The following SEMA3E variants were observed in gnomAD, a reference collection of about 807,000 sequenced individuals.
The protein encoded by SEMA3E is semaphorin 3E, also known as semaphorin-3E.
SEMA3E carries 49 observed loss-of-function variants against 93.6 expected under a neutral mutation model. The observed-to-expected ratio is 0.52, with a 90% CI of 0.42 to 0.66. SEMA3E has a LOEUF of 0.66. Ranked by LOEUF, SEMA3E falls within the 30% of genes least tolerant of loss-of-function variation. The pLI is 0.00. For synonymous variants in SEMA3E, 363 were observed against 330.7 expected, an observed-to-expected ratio of 1.10 and a Z score of -1.06; for missense variants, 906 against 964.8, an observed-to-expected ratio of 0.94 and a Z score of 0.81.
In SEMA3E at chr7:83,460,670, C is replaced by T. The variant is rs550717468; in HGVS notation, c.456+5812G>A. ...CAAGCACCCCAACCTCATATCTCTG[C>T]GCCCCAATCCCTTATTTCTGCACCC... On this transcript the variant is annotated intron_variant, in intron 4 of 16. Transcript: ENST00000643230. Among the ~76,000 whole-genome samples the T allele has an allele frequency of 5.5e-4, 40 of 72,124 alleles. 1 individual carries two copies. The East Asian group carries it at 6.3e-3, about 11-fold the overall frequency. 47.3% of individuals were successfully genotyped at this position (72,124 alleles called of 152,430 possible).
intron 4 of SEMA3E, among the ~76,000 whole-genome samples, chr7:83,423,646 G>C (rs1251111816): frequency 6.7e-6 from 1 of 150,076 alleles, no homozygotes; most frequent in African/African-American, 2.4e-5. Flanking sequence ...TGGGACTACA[G>C]ACGCCCACCA....
chr7:83,524,540 A>G (rs968200240), intron 1 of SEMA3E, among the ~76,000 whole-genome samples: 1 of 152,148 alleles, frequency 6.6e-6, no homozygotes, highest in South Asian at 2.1e-4. Flanking sequence ...TTATGAATTT[A>G]ACACGTCATT....
At chr7:83,412,292 T>C (rs1403406592) in intron 5 of SEMA3E, among the ~76,000 whole-genome samples, 1 of 152,158 alleles carries the variant, frequency 6.6e-6, no homozygotes, top group African/African-American at 2.4e-5. Flanking sequence ...ATATTTTTAT[T>C]GACTCCTTGT....
chr7:83,584,408 A>G (rs1033088606), intron 1 of SEMA3E, among the ~76,000 whole-genome samples: 1 of 152,160 alleles, frequency 6.6e-6, no homozygotes, highest in Admixed American at 6.6e-5. Context: ...TTTATTTCCA[A>G]ATTAATGATT....
At chr7:83,386,586 G>A (rs1787886827) in intron 15 of SEMA3E, among the ~76,000 whole-genome samples, 1 of 152,092 alleles carries the variant, frequency 6.6e-6, no homozygotes, top group Non-Finnish European at 1.5e-5. Flanking sequence ...AAGCTTAGGA[G>A]ATGACTTGAT....
At chr7:83,620,505 G>A (rs1793528715) in intron 1 of SEMA3E, among the ~76,000 whole-genome samples, 1 of 151,946 alleles carries the variant, frequency 6.6e-6, no homozygotes, top group South Asian at 2.1e-4. Context: ...TATGAAGCCA[G>A]CATCATCCTG....
At chr7:83,412,603 AAAT>A (rs1382186792) in intron 5 of SEMA3E, among the ~76,000 whole-genome samples, 1 of 151,688 alleles carries the variant, frequency 6.6e-6, no homozygotes, top group Non-Finnish European at 1.5e-5. Context: ...TAATAATGAT[AAAT>A]AATAAAGTAG....
At chr7:83,469,179 G>A (rs1055294418) in intron 3 of SEMA3E, 64 bp downstream of exon 3, 4 of 1,331,906 alleles carry the variant, frequency 3.0e-6, no homozygotes, top group Non-Finnish European at 4.3e-6. Flanking sequence ...CAGTGATTCA[G>A]TTCTTTGTGG....
chr7:83,510,949 T>C (rs143392078), intron 1 of SEMA3E, among the ~76,000 whole-genome samples: 117 of 152,330 alleles, frequency 7.7e-4, no homozygotes, highest in African/African-American at 2.7e-3. Context: ...TAATGGCTAA[T>C]CTTGAATATC....
chr7:83,532,339 T>G (rs1404832985), intron 1 of SEMA3E, among the ~76,000 whole-genome samples: 3 of 152,200 alleles, frequency 2.0e-5, no homozygotes, highest in Non-Finnish European at 4.4e-5. Flanking sequence ...ATTCTCAAAG[T>G]GATTTAATAT....
At chr7:83,439,021 C>CT (rs1413871400) in intron 4 of SEMA3E, among the ~76,000 whole-genome samples, 7 of 152,186 alleles carry the variant, frequency 4.6e-5, no homozygotes, top group East Asian at 3.9e-4. Context: ...AATCAAAATT[C>CT]TTTTTTTAGA....
At chr7:83,423,043 T>C (rs1230892591) in intron 4 of SEMA3E, among the ~76,000 whole-genome samples, 1 of 152,158 alleles carries the variant, frequency 6.6e-6, no homozygotes, top group African/African-American at 2.4e-5. Context: ...GTATCTTACA[T>C]ACCAGTGTGT....
At chr7:83,533,162 G>A (rs1163622848) in intron 1 of SEMA3E, among the ~76,000 whole-genome samples, 1 of 151,992 alleles carries the variant, frequency 6.6e-6, no homozygotes, top group African/African-American at 2.4e-5. Flanking sequence ...AGGGTATCAT[G>A]TGCAGTCCCA....
At chr7:83,632,324 A>G (rs1401764562) in intron 1 of SEMA3E, among the ~76,000 whole-genome samples, 2 of 152,204 alleles carry the variant, frequency 1.3e-5, no homozygotes, top group East Asian at 1.9e-4. Flanking sequence ...ATATTCACCT[A>G]TGACAAAAGA....
intron 1 of SEMA3E, among the ~76,000 whole-genome samples, chr7:83,587,891 T>C (rs992216238): frequency 3.3e-5 from 5 of 152,116 alleles, no homozygotes; most frequent in African/African-American, 1.2e-4. Flanking sequence ...ATTTAAATGC[T>C]ATTCTTAAGC....
chr7:83,588,117 C>T (rs760736140), intron 1 of SEMA3E, among the ~76,000 whole-genome samples: 5 of 152,120 alleles, frequency 3.3e-5, no homozygotes, highest in Non-Finnish European at 5.9e-5. Flanking sequence ...GGCGCGGTGG[C>T]TCATGCCTGT....
At chr7:83,554,235 C>G (rs924185625) in intron 1 of SEMA3E, among the ~76,000 whole-genome samples, 1 of 152,124 alleles carries the variant, frequency 6.6e-6, no homozygotes, top group Non-Finnish European at 1.5e-5. Flanking sequence ...GTAACAATTA[C>G]TGATTTTCTA....
At chr7:83,435,348 C>T (rs1451826835) in intron 4 of SEMA3E, among the ~76,000 whole-genome samples, 1 of 152,132 alleles carries the variant, frequency 6.6e-6, no homozygotes, top group Non-Finnish European at 1.5e-5. Context: ...AATCCTGGCA[C>T]TTTGGGAGGC....
At chr7:83,646,695 G>A (rs530559360) in intron 1 of SEMA3E, among the ~76,000 whole-genome samples, 10 of 151,986 alleles carry the variant, frequency 6.6e-5, no homozygotes, top group African/African-American at 2.4e-4. Context: ...TTGAATATAA[G>A]TGACATAATA....
Sources: allele counts gnomAD v4.1 joint callset (sites outside exome capture counted in the v4.1 genomes callset), GRCh38; gene constraint gnomAD v4.1.1; transcripts MANE v1.5; gene names NCBI Gene and HGNC (gene_info 2026-07-23, HGNC 2026-07-21).